The following ALDH9A1 variants were observed in gnomAD, a reference collection of about 807,000 sequenced individuals.
ALDH9A1 encodes the protein 4-trimethylaminobutyraldehyde dehydrogenase.
In ALDH9A1, 42 loss-of-function variants were observed where a neutral mutation model predicts 56.6. The observed-to-expected ratio is 0.74, with a 90% confidence interval of 0.58 to 0.96. The LOEUF (loss-of-function observed/expected upper bound fraction) is 0.96. Among genes scored for constraint, ALDH9A1 ranks in the 40% least tolerant of loss-of-function variants. ALDH9A1 has a pLI of 0.00. For synonymous variants in ALDH9A1, 242 were observed against 236.0 expected (o/e 1.03, Z -0.23); for missense variants, 661 against 651.5 (o/e 1.01, Z -0.16).
rs937710581 is a variant in ALDH9A1 at position 165,671,733 on chromosome 1, T to G, written c.931-2283A>C. 82 of 358,330 alleles carry G rather than the reference T, an allele frequency of 2.3e-4. 1 individual carries two copies. The highest frequency in any genetic ancestry group is 1.9e-3 in the Middle Eastern group (2 of 1,068). The allele number at this position is 358,330 out of a possible 1,614,324, so 22.2% of individuals were successfully genotyped here. A position where few individuals can be genotyped will look rare whatever the true frequency, so the allele number is the denominator to read the frequency against. On this transcript the variant is annotated intron_variant, in intron 6 of 10. Coordinates refer to ENST00000354775, the MANE Select transcript of ALDH9A1 (RefSeq NM_000696.4). ...ACAGCCTCTGCCCTGGTTGCATAAA[T>G]TTGTCTATGTACTTGAGCAATAAAA...
intron 7 of ALDH9A1, 86 bp from the exon 8 acceptor site, chr1:165,669,099 A>G (rs1558002722): frequency 7.3e-7 from 1 of 1,373,734 alleles, no homozygotes. Flanking sequence ...CCGAACAAAC[A>G]CATAGTCTTC....
Position 165,668,981 on chromosome 1 carries a change from A to G in ALDH9A1, c.1152T>C (p.Tyr384=), listed in dbSNP as rs1274032222. Reference sequence around the variant, plus strand: ...CCTTTAATTTGGGATCTTCAGGTACATATATATCTCCACCACATAACACTT... The same window carrying G: ...CCTTTAATTTGGGATCTTCAGGTACGTATATATCTCCACCACATAACACTT... ...GAKVLCGGDI[Y]VPEDPKLKDG... The change falls in exon 8 of 11, where the codon TAT becomes TAC. Residue 384 remains tyrosine, a synonymous_variant. Transcript: ENST00000354775. The G allele has an allele frequency of 8.1e-6, 13 of 1,612,086 alleles. No individual in the cohort carries two copies. Among genetic ancestry groups the G allele is most frequent in the Admixed American group, 6.7e-5 (4 of 59,890 alleles).
chr1:165,688,968 A>G (rs1649798856), intron 2 of ALDH9A1, among the ~76,000 whole-genome samples: 1 of 152,212 alleles, frequency 6.6e-6, no homozygotes, highest in Non-Finnish European at 1.5e-5. Context: ...AAGTAAAAAG[A>G]AATGAAATTT....
At position 165,669,459 on chromosome 1, in the gene ALDH9A1, C is replaced by T. The variant is rs745527940; in HGVS notation, c.931-9G>A. 5.4e-5 allele frequency: 86 copies of T among 1,596,692 alleles called. No individual in the cohort carries two copies. Among genetic ancestry groups the T allele is most frequent in the Non-Finnish European group, 6.9e-5 (81 of 1,172,644 alleles). Reference sequence around the variant, plus strand: ...GTGCCATTACAGCAAACCTAAAGGACAAACACAAGACATCAATTTCTATGT... The same window carrying T: ...GTGCCATTACAGCAAACCTAAAGGATAAACACAAGACATCAATTTCTATGT... On this transcript the variant is annotated splice_polypyrimidine_tract_variant and intron_variant, in intron 6 of 10. Coordinates refer to ENST00000354775, the MANE Select transcript of ALDH9A1 (RefSeq NM_000696.4).
chr1:165,674,577 T>G (rs779631344), intron 6 of ALDH9A1, among the ~76,000 whole-genome samples: 2 of 148,286 alleles, frequency 1.3e-5, no homozygotes, highest in Non-Finnish European at 3.0e-5. Context: ...TCCCAGCTAC[T>G]CAGGAGGCTA....
At position 165,662,801 on chromosome 1, in the gene ALDH9A1, C is replaced by T; in HGVS notation, c.*249G>A. 2 of 474,826 alleles carry T rather than the reference C, an allele frequency of 4.2e-6. No individual in the cohort carries two copies. Among genetic ancestry groups the T allele is most frequent in the Non-Finnish European group, 7.7e-6 (2 of 261,054 alleles). The allele number at this position is 474,826 out of a possible 1,614,324, so 29.4% of individuals were successfully genotyped here. On this transcript the variant is annotated 3_prime_UTR_variant, in exon 11 of 11. Transcript: ENST00000354775. The stretch of plus-strand genomic sequence containing the variant: ...GTTCTCTAGAAGTATGTTACTGGCT[C>T]TTAAAAGATTTCACAAAAATACGCT...
intron 2 of ALDH9A1, among the ~76,000 whole-genome samples, chr1:165,690,574 G>A (rs538681332): frequency 2.6e-4 from 39 of 152,162 alleles, no homozygotes; most frequent in Non-Finnish European, 5.3e-4. Context: ...GTTCACCTGG[G>A]AAGCACAAGG....
In ALDH9A1 at chr1:165,668,900, T is replaced by G. The variant is rs542360728; in HGVS notation, c.1207+26A>C. The G allele has an allele frequency of 2.7e-6, 4 of 1,487,890 alleles. No individual in the cohort carries two copies. In the African/African-American group the frequency reaches 5.6e-5, roughly 21 times the overall value. The allele number at this position is 1,487,890 out of a possible 1,614,324, so 92.2% of individuals were successfully genotyped here. A position where few individuals can be genotyped will look rare whatever the true frequency, so the allele number is the denominator to read the frequency against. ...TATTCAGTATTTAATTCAAATCATCTAAAAGCAAACAAAAAGAGGACATAC... is the reference window on the plus strand; with the variant it reads ...TATTCAGTATTTAATTCAAATCATCGAAAAGCAAACAAAAAGAGGACATAC... On this transcript the variant is annotated intron_variant, in intron 8 of 10. Coordinates refer to ENST00000354775, the MANE Select transcript of ALDH9A1 (RefSeq NM_000696.4).
intron 2 of ALDH9A1, among the ~76,000 whole-genome samples, chr1:165,693,031 G>A (rs1649945206): frequency 6.6e-6 from 1 of 151,720 alleles, no homozygotes; most frequent in Non-Finnish European, 1.5e-5. Flanking sequence ...GCTGAAACTG[G>A]ATCCCTTCCT....
chr1:165,685,150 A>G (rs1280321371), intron 2 of ALDH9A1, among the ~76,000 whole-genome samples: 2 of 152,216 alleles, frequency 1.3e-5, no homozygotes, highest in Non-Finnish European at 2.9e-5. Flanking sequence ...TGCTACAAGT[A>G]TTTCTTAGGA....
chr1:165,682,719 C>A, intron 3 of ALDH9A1: 1 of 385,754 alleles, frequency 2.6e-6, no homozygotes, highest in Admixed American at 4.1e-5. Flanking sequence ...GGTTTTTCAG[C>A]AATTTGGTCT....
Position 165,668,957 on chromosome 1 carries a change from C to G in ALDH9A1, c.1176G>C (p.Lys392Asn), listed in dbSNP as rs148087690. Residue 392 changes from lysine to asparagine, a missense_variant, in exon 8 of 11, where the codon AAG becomes AAC. Coordinates refer to ENST00000354775, the MANE Select transcript of ALDH9A1 (RefSeq NM_000696.4). ...DIYVPEDPKL[K>N]DGYYMRPCVL... ...CACAAGGTCTCATGTAATATCCATC[C>G]TTTAATTTGGGATCTTCAGGTACAT... 2 of 1,611,226 alleles carry G rather than the reference C, an allele frequency of 1.2e-6. No individual in the cohort carries two copies. Among genetic ancestry groups the G allele is most frequent in the South Asian group, 1.1e-5 (1 of 90,936 alleles).
chr1:165,670,505 C>A (rs533577149), intron 6 of ALDH9A1, among the ~76,000 whole-genome samples: 3 of 151,402 alleles, frequency 2.0e-5, no homozygotes, highest in African/African-American at 7.3e-5. Context: ...TTCTATTACC[C>A]AAAATCTAGA....
chr1:165,671,690 T>C (rs1016562647), intron 6 of ALDH9A1: 6 of 456,212 alleles, frequency 1.3e-5, no homozygotes, highest in Admixed American at 2.6e-5. Flanking sequence ...CTCTCCCAAC[T>C]GGAAATATGA....
intron 6 of ALDH9A1, among the ~76,000 whole-genome samples, chr1:165,678,208 C>A (rs975463448): frequency 2.6e-5 from 4 of 151,762 alleles, no homozygotes; most frequent in African/African-American, 9.7e-5. Context: ...GTGGCGGGCA[C>A]CTGTAATCCC....
intron 2 of ALDH9A1, among the ~76,000 whole-genome samples, chr1:165,690,674 C>T (rs1649859590): frequency 6.6e-6 from 1 of 152,184 alleles, no homozygotes; most frequent in South Asian, 2.1e-4. Context: ...CTGCGCTTTT[C>T]CAACAGTCTT....
rs1235771494 is a variant in ALDH9A1 at position 165,669,439 on chromosome 1, A to G, written c.942T>C (p.Asn314=). Residue 314 remains asparagine (N), a synonymous_variant, in exon 7 of 11, where the codon AAT becomes AAC. Coordinates refer to ENST00000354775, the MANE Select transcript of ALDH9A1 (RefSeq NM_000696.4). ...NFLTQGQVCC[N]GTRVFVQKEI... The stretch of plus-strand genomic sequence containing the variant: ...CTTTCTGCACAAATACTCTTGTGCC[A>G]TTACAGCAAACCTAAAGGACAAACA... 6.2e-7 allele frequency: 1 copy of G among 1,611,020 alleles called. No individual in the cohort carries two copies. The highest frequency in any genetic ancestry group is 8.5e-7 in the Non-Finnish European group (1 of 1,178,720).
chr1:165,672,264 C>CTG (rs1051147614), intron 6 of ALDH9A1, among the ~76,000 whole-genome samples: 1 of 151,404 alleles, frequency 6.6e-6, no homozygotes, highest in African/African-American at 2.4e-5. Context: ...TATGTGTGTG[C>CTG]TGTGTGTGTG....
At chr1:165,679,232 T>C (rs1315176391) in intron 6 of ALDH9A1, among the ~76,000 whole-genome samples, 3 of 152,232 alleles carry the variant, frequency 2.0e-5, no homozygotes, top group Non-Finnish European at 4.4e-5. Flanking sequence ...TGCCTACGTA[T>C]GTACAGGCAG....
Sources: gnomAD v4.1 joint callset for allele counts (sites outside exome capture counted in the v4.1 genomes callset) on GRCh38, gnomAD v4.1.1 for gene constraint, MANE v1.5 for transcripts, NCBI Gene and HGNC (gene_info 2026-07-23, HGNC 2026-07-21) for gene names.